Variants in VWC2 observed in about 807,000 individuals in gnomAD.
VWC2 encodes the protein von Willebrand factor C domain containing 2.
In VWC2, 14 loss-of-function variants were observed where a neutral mutation model predicts 29.8. That is an observed-to-expected ratio of 0.47 (90% CI 0.31 to 0.74). VWC2 has a LOEUF of 0.74. Ranked by LOEUF, VWC2 falls within the 30% of genes least tolerant of loss-of-function variation. VWC2 has a pLI of 0.05. For synonymous variants in VWC2, 213 were observed against 199.0 expected (o/e 1.07, Z -0.59); for missense variants, 457 against 459.8 (o/e 0.99, Z 0.05).
intron 2 of VWC2, among the ~76,000 whole-genome samples, chr7:49,789,252 GGAGTGGGTGTGTGT>G (rs1299708836): frequency 1.5e-3 from 218 of 142,586 alleles, no homozygotes; most frequent in African/African-American, 5.4e-3. Flanking sequence ...TGTAGGTGTG[GGAGTGGGTGTGTGT>G]GAGCGGGTGT....
At chr7:49,816,424 A>G (rs1483799) in intron 3 of VWC2, among the ~76,000 whole-genome samples, 3,613 of 152,278 alleles carry the variant, frequency 0.024, 341 homozygotes, top group Admixed American at 0.18. Context: ...TCAAAGGTCA[A>G]GTCAACTGCA....
intron 3 of VWC2, among the ~76,000 whole-genome samples, chr7:49,870,141 C>G (rs973732175): frequency 6.6e-6 from 1 of 152,192 alleles, no homozygotes; most frequent in Non-Finnish European, 1.5e-5. Context: ...TGGCTCATAC[C>G]TGTAATCCCA....
At chr7:49,824,021 A>G (rs1303138085) in intron 3 of VWC2, among the ~76,000 whole-genome samples, 2 of 151,950 alleles carry the variant, frequency 1.3e-5, no homozygotes, top group East Asian at 1.9e-4. Context: ...CATCTAGTAT[A>G]TGTGTATATG....
intron 2 of VWC2, among the ~76,000 whole-genome samples, chr7:49,788,478 T>A (rs998285929): frequency 2.0e-5 from 3 of 150,418 alleles, no homozygotes; most frequent in African/African-American, 7.4e-5. Flanking sequence ...TGAGAGAGAG[T>A]GTGTGGGTGT....
chr7:49,877,128 C>G (rs1465480806), intron 3 of VWC2, among the ~76,000 whole-genome samples: 7 of 151,992 alleles, frequency 4.6e-5, no homozygotes. Context: ...CATTGGAAGA[C>G]ACGTATCTCT....
chr7:49,840,377 T>C (rs1789766270), intron 3 of VWC2, among the ~76,000 whole-genome samples: 1 of 152,170 alleles, frequency 6.6e-6, no homozygotes, highest in Non-Finnish European at 1.5e-5. Flanking sequence ...GCATGTACTG[T>C]CTGCCTCGCA....
intron 3 of VWC2, among the ~76,000 whole-genome samples, chr7:49,906,792 C>A (rs1793120871): frequency 1.3e-5 from 2 of 152,082 alleles, no homozygotes; most frequent in African/African-American, 4.8e-5. Context: ...TAAATTGTTG[C>A]TTTCTGCCTC....
intron 3 of VWC2, among the ~76,000 whole-genome samples, chr7:49,852,725 C>T (rs539625671): frequency 2.0e-5 from 3 of 152,240 alleles, no homozygotes; most frequent in Admixed American, 6.5e-5. Context: ...TCAAAATCTG[C>T]GGGATTTAAG....
At chr7:49,877,491 T>C (rs746253435) in intron 3 of VWC2, among the ~76,000 whole-genome samples, 483 of 35,504 alleles carry the variant, frequency 0.014, 76 homozygotes, top group East Asian at 0.039. Flanking sequence ...AATATATATA[T>C]ATATATATAT....
rs1309646054 is a variant in VWC2, at chr7:49,856,643, T to A, written c.826+53803T>A. Among the ~76,000 whole-genome samples, 5 of 152,134 alleles carry A rather than the reference T, an allele frequency of 3.3e-5. No homozygotes were observed. The East Asian group carries it at 7.7e-4, about 23-fold the overall frequency. On this transcript the variant is annotated intron_variant, in intron 3 of 3. Transcript: ENST00000340652. ...GAGTTTGGACATAAGTATACCCTCA[T>A]GTTACCATCACCACAGTCCAGGTAA...
intron 3 of VWC2, among the ~76,000 whole-genome samples, chr7:49,893,051 T>G: frequency 6.6e-6 from 1 of 152,238 alleles, no homozygotes; most frequent in East Asian, 1.9e-4. Flanking sequence ...ATATGAACTT[T>G]GGGAAATATT....
At chr7:49,893,268 G>A (rs965833813) in intron 3 of VWC2, among the ~76,000 whole-genome samples, 12 of 152,080 alleles carry the variant, frequency 7.9e-5, no homozygotes, top group African/African-American at 2.9e-4. Context: ...TCTAGAATAC[G>A]GCATGTTCCC....
chr7:49,874,414 C>G (rs1332434270), intron 3 of VWC2, among the ~76,000 whole-genome samples: 1 of 152,216 alleles, frequency 6.6e-6, no homozygotes, highest in Non-Finnish European at 1.5e-5. Context: ...CTATATCGTA[C>G]AGCCTAGGTG....
At chr7:49,805,700 A>G (rs190803730) in intron 3 of VWC2, among the ~76,000 whole-genome samples, 1 of 152,366 alleles carries the variant, frequency 6.6e-6, no homozygotes, top group Admixed American at 6.5e-5. Flanking sequence ...TTGTAAAAAA[A>G]TTATATGTTT....
At chr7:49,895,387 TCACAGCATTGTGCATCA>T (rs1792333744) in intron 3 of VWC2, among the ~76,000 whole-genome samples, 1 of 152,174 alleles carries the variant, frequency 6.6e-6, no homozygotes, top group Admixed American at 6.5e-5. Flanking sequence ...AATATTCAGA[TCACAGCATTGTGCATCA>T]GCACCAGTGA....
chr7:49,832,419 T>C (rs2128711640), intron 3 of VWC2, among the ~76,000 whole-genome samples: 1 of 152,246 alleles, frequency 6.6e-6, no homozygotes, highest in East Asian at 1.9e-4. Context: ...TTCTCTATTT[T>C]CTGAGAAATA....
chr7:49,861,164 G>A (rs1049336984), intron 3 of VWC2, among the ~76,000 whole-genome samples: 1 of 152,080 alleles, frequency 6.6e-6, no homozygotes, highest in Non-Finnish European at 1.5e-5. Context: ...ACCAACAGTT[G>A]TTATTTTTCT....
intron 2 of VWC2, among the ~76,000 whole-genome samples, chr7:49,800,463 C>T (rs751125375): frequency 2.0e-5 from 3 of 152,214 alleles, no homozygotes; most frequent in African/African-American, 7.2e-5. Context: ...GTAGATGCCA[C>T]GTTGTGCTGC....
At chr7:49,895,975 G>A (rs2170787) in intron 3 of VWC2, among the ~76,000 whole-genome samples, 116,371 of 152,040 alleles carry the variant, frequency 0.77, 44,716 homozygotes, top group East Asian at 0.89. Flanking sequence ...AGTCATGAGT[G>A]ATATATTTTC....
Sources: gnomAD v4.1 joint callset for allele counts (sites outside exome capture counted in the v4.1 genomes callset) on GRCh38, gnomAD v4.1.1 for gene constraint, MANE v1.5 for transcripts, NCBI Gene and HGNC (gene_info 2026-07-23, HGNC 2026-07-21) for gene names.